Variants in RPL7L1 observed in about 807,000 individuals in gnomAD.
RPL7L1 encodes ribosomal protein L7 like 1.
In RPL7L1, 20 loss-of-function variants were observed where a neutral mutation model predicts 30.3. The ratio of observed to expected loss-of-function variants is 0.66; its 90% CI spans 0.46 to 0.96. RPL7L1 has a LOEUF of 0.96. RPL7L1 is among the 40% of genes least tolerant of loss of function. The probability of loss-of-function intolerance (pLI) is 0.00; values close to 1 mark genes in which losing one functional copy is unlikely to be tolerated. For missense variants in RPL7L1, 271 were observed against 314.9 expected (o/e 0.86, Z 1.05); for synonymous variants, 107 against 110.1 (o/e 0.97, Z 0.18).
rs975422939 is a variant in RPL7L1, at chr6:42,885,862, G to A, written c.450-112G>A. 8 of 660,020 alleles carry A rather than the reference G, an allele frequency of 1.2e-5. No individual in the cohort carries two copies. In the Admixed American group the frequency reaches 1.3e-4, roughly 11 times the overall value. 40.9% of individuals were successfully genotyped at this position (660,020 alleles called of 1,614,324 possible). On this transcript the variant is annotated intron_variant, in intron 4 of 5. Transcript: ENST00000493763. Reference sequence around the variant, plus strand: ...GAATGTGATTGCAGAACACTTGCTCGTTGGGAGAAGTGAGTGTGTGGGAGA... The same window carrying A: ...GAATGTGATTGCAGAACACTTGCTCATTGGGAGAAGTGAGTGTGTGGGAGA...
At chr6:42,883,659 T>A in intron 3 of RPL7L1, 45 bp downstream of exon 3, 4 of 1,500,150 alleles carry the variant, frequency 2.7e-6, no homozygotes, top group Non-Finnish European at 2.7e-6. Flanking sequence ...TGGGGCAAAG[T>A]GTTGCTTAAG....
At position 42,879,859 on chromosome 6, in the gene RPL7L1, A is replaced by G. The variant is rs1766003151; in HGVS notation, c.-52A>G. On this transcript the variant is annotated 5_prime_UTR_variant, in exon 1 of 6. An upstream start codon of the reference 5' UTR is lost. Coordinates refer to ENST00000493763, the MANE Select transcript of RPL7L1 (RefSeq NM_001366481.3). ...AGCGTGAGCTAGAACAGACGTCTCT[A>G]TGGTCAAGTAAACAGAGCGTGTGCT... 6.3e-7 allele frequency: 1 copy of G among 1,598,600 alleles called. No individual in the cohort carries two copies. Among genetic ancestry groups the G allele is most frequent in the Admixed American group, 1.7e-5 (1 of 59,956 alleles).
intron 4 of RPL7L1, chr6:42,885,571 C>CAAA (rs879641374): frequency 2.2e-5 from 3 of 136,120 alleles, no homozygotes; most frequent in Middle Eastern, 4.0e-3. Flanking sequence ...GACTCCGTCT[C>CAAA]AAAAAAAAAA....
In RPL7L1 at chr6:42,889,284, T is replaced by C. The variant is rs931291717; in HGVS notation, c.*2820T>C. 2 of 151,748 alleles carry C rather than the reference T, an allele frequency of 1.3e-5. No homozygotes were observed. The allele number at this position is 151,748 out of a possible 1,614,324, so 9.4% of individuals were successfully genotyped here. ...GGAGAAATTCTGTCCCTACTGAAAATACAAAATTAGCCGGATGTGGTGGTG... is the reference window on the plus strand; with the variant it reads ...GGAGAAATTCTGTCCCTACTGAAAACACAAAATTAGCCGGATGTGGTGGTG... On this transcript the variant is annotated 3_prime_UTR_variant, in exon 6 of 6. Transcript: ENST00000493763.
In RPL7L1 at chr6:42,885,892, C is replaced by A. The variant is rs1373461710; in HGVS notation, c.450-82C>A. ...GAGAAGTGAGTGTGTGGGAGAACCT[C>A]TCCAACCTCTCAGCCAGGCTGCAGG... On this transcript the variant is annotated intron_variant, in intron 4 of 5. Transcript: ENST00000493763. 1.4e-5 allele frequency: 11 copies of A among 762,550 alleles called. No homozygotes were observed. In the African/African-American group the frequency reaches 1.5e-4, roughly 10 times the overall value. 47.2% of individuals were successfully genotyped at this position (762,550 alleles called of 1,614,324 possible).
Position 42,884,692 on chromosome 6 carries a change from A to G in RPL7L1, c.391A>G (p.Lys131Glu). Residue 131 changes from lysine to glutamate, a missense_variant, in exon 4 of 6, where the codon AAA (lysine) becomes GAA (glutamate). Coordinates refer to ENST00000493763, the MANE Select transcript of RPL7L1 (RefSeq NM_001366481.3). Reference sequence around the variant, plus strand: ...GAAAATTTTTAGTGGTGTCTTTGTAAAAGTCACCCCCCAGAATCTAAAAAT... The same window carrying G: ...GAAAATTTTTAGTGGTGTCTTTGTAGAAGTCACCCCCCAGAATCTAAAAAT... ...LKKIFSGVFV[K>E]VTPQNLKMLR... The G allele has an allele frequency of 1.2e-6, 2 of 1,614,084 alleles. No individual in the cohort carries two copies. Among genetic ancestry groups the G allele is most frequent in the Non-Finnish European group, 1.7e-6 (2 of 1,179,992 alleles).
chr6:42,880,095 T>G, intron 1 of RPL7L1, 144 bp downstream of exon 1: 3 of 830,634 alleles, frequency 3.6e-6, no homozygotes, highest in Non-Finnish European at 6.1e-6. Flanking sequence ...TGAGGAGGAG[T>G]AGCGCTGTGG....
At chr6:42,884,360 T>C (rs1192728654) in intron 3 of RPL7L1, among the ~76,000 whole-genome samples, 1 of 152,184 alleles carries the variant, frequency 6.6e-6, no homozygotes, top group Non-Finnish European at 1.5e-5. Context: ...GCTGGACATG[T>C]GTAGACCTAC....
intron 4 of RPL7L1, 182 bp from the exon 5 acceptor site, chr6:42,885,792 G>A: frequency 1.9e-6 from 1 of 539,312 alleles, no homozygotes; most frequent in South Asian, 2.5e-5. Flanking sequence ...TGTAAGTGGG[G>A]TCACTTCAGT....
At chr6:42,885,052 G>C (rs1040269960) in intron 4 of RPL7L1, among the ~76,000 whole-genome samples, 1 of 152,154 alleles carries the variant, frequency 6.6e-6, no homozygotes, top group East Asian at 1.9e-4. Flanking sequence ...ATTCCTGGCC[G>C]GACACACTGG....
At chr6:42,885,946 G>A (rs758993936) in intron 4 of RPL7L1, 28 bp from the exon 5 acceptor site, 24 of 1,331,658 alleles carry the variant, frequency 1.8e-5, no homozygotes, top group Admixed American at 1.5e-4. Flanking sequence ...AGGTGCTGGT[G>A]AAAACCGTGC....
Position 42,886,613 on chromosome 6 carries a change from A to T in RPL7L1, c.*149A>T. On this transcript the variant is annotated 3_prime_UTR_variant, in exon 6 of 6. Transcript: ENST00000493763. ...AGAGGAGGCTGGTACAAATAGATGG[A>T]GACCTGCTGGGATCAGTGAATGCCT... 1 of 622,472 alleles carries T rather than the reference A, an allele frequency of 1.6e-6. No individual in the cohort carries two copies. The allele number at this position is 622,472 out of a possible 1,614,324, so 38.6% of individuals were successfully genotyped here.
At chr6:42,886,207 A>C in intron 5 of RPL7L1, 49 bp from the exon 6 acceptor site, 1 of 1,537,990 alleles carries the variant, frequency 6.5e-7, no homozygotes, top group South Asian at 1.1e-5. Context: ...AGCTTAGTAT[A>C]TGCTGGATAC....
rs1484858189 is a variant in RPL7L1 at position 42,888,836 on chromosome 6, C to T, written c.*2372C>T. On this transcript the variant is annotated 3_prime_UTR_variant, in exon 6 of 6. Coordinates refer to ENST00000493763, the MANE Select transcript of RPL7L1 (RefSeq NM_001366481.3). ...AGTCTTCAGAAGCATTGCCTTTTGT[C>T]CTACTGGTAGTGACATAGACCAATA... The T allele has an allele frequency of 1.3e-5, 2 of 152,162 alleles. No individual in the cohort carries two copies. The highest frequency in any genetic ancestry group is 2.9e-5 in the Non-Finnish European group (2 of 68,040). The allele number at this position is 152,162 out of a possible 1,614,324, so 9.4% of individuals were successfully genotyped here.
In RPL7L1 at chr6:42,879,941, G is replaced by T. The variant is rs777718094; in HGVS notation, c.31G>T (p.Ala11Ser). The change falls in exon 1 of 6, where the codon GCG becomes TCG. Residue 11 changes from alanine (A) to serine (S), a missense_variant. By Grantham distance (99) the Ala-to-Ser change is moderately conservative (BLOSUM62 1). Transcript: ENST00000493763. MISSCTTRKM[A>S]EQEQRKIPLV... ...CAGTAGCTGCACCACTAGAAAGATG[G>T]CGGAGCAAGAGTGAGTGTTTGGGGC... The T allele has an allele frequency of 6.2e-7, 1 of 1,614,154 alleles. No homozygotes were observed.
rs1765993189 is a variant in RPL7L1, at chr6:42,879,622, A to G, written c.-289A>G. 1 of 292,444 alleles carries G rather than the reference A, an allele frequency of 3.4e-6. No homozygotes were observed. Among genetic ancestry groups the G allele is most frequent in the African/African-American group, 2.1e-5 (1 of 47,170 alleles). The allele number at this position is 292,444 out of a possible 1,614,324, so 18.1% of individuals were successfully genotyped here. On this transcript the variant is annotated 5_prime_UTR_variant, in exon 1 of 6. Coordinates refer to ENST00000493763, the MANE Select transcript of RPL7L1 (RefSeq NM_001366481.3). ...GCGCCGGAAGTGCGGCGCCGTAGCT[A>G]GGAGCGGACGCCATAGGTGCATTGT...
rs531975629 is a variant in RPL7L1 at position 42,883,336 on chromosome 6, C to T, written c.148-115C>T. On this transcript the variant is annotated intron_variant, in intron 2 of 5. Coordinates refer to ENST00000493763, the MANE Select transcript of RPL7L1 (RefSeq NM_001366481.3). ...GAAAATAGAGAATGTTGCTTTGCTT[C>T]GCATTGTGGAACACGGGGAAATAAG... 6.9e-5 allele frequency: 54 copies of T among 785,402 alleles called. No individual in the cohort carries two copies. The Admixed American group carries it at 1.0e-3, about 15-fold the overall frequency. The allele number at this position is 785,402 out of a possible 1,614,324, so 48.7% of individuals were successfully genotyped here.
rs917100911 is a variant in RPL7L1, at chr6:42,884,872, C to T, written c.449+122C>T. On this transcript the variant is annotated intron_variant, in intron 4 of 5. Transcript: ENST00000493763. ...AGGGACATTTTGCTGTGACCACAGT[C>T]AACCTGAAATCAGTGGGTAGCTGTA... 4 of 937,822 alleles carry T rather than the reference C, an allele frequency of 4.3e-6. No individual in the cohort carries two copies. The African/African-American group carries it at 6.6e-5, about 15-fold the overall frequency. The allele number at this position is 937,822 out of a possible 1,614,324, so 58.1% of individuals were successfully genotyped here. A position where few individuals can be genotyped will look rare whatever the true frequency, so the allele number is the denominator to read the frequency against.
At chr6:42,881,054 G>C in intron 2 of RPL7L1, 88 bp downstream of exon 2, 1 of 751,656 alleles carries the variant, frequency 1.3e-6, no homozygotes, top group Non-Finnish European at 2.3e-6. Context: ...TGGTATTGAC[G>C]AGCTCCCCCC....
Sources: gnomAD v4.1 joint callset for allele counts (sites outside exome capture counted in the v4.1 genomes callset) on GRCh38, gnomAD v4.1.1 for gene constraint, MANE v1.5 for transcripts, NCBI Gene and HGNC (gene_info 2026-07-23, HGNC 2026-07-21) for gene names.